Variants in DPH6 observed in about 807,000 individuals in gnomAD.
DPH6 encodes the protein diphthine--ammonia ligase.
Under a neutral mutation model 38.2 loss-of-function variants are expected in DPH6, and 33 were observed. That is an observed-to-expected ratio of 0.86 (90% CI 0.65 to 1.15). DPH6 has a LOEUF of 1.15. Ranked by LOEUF, DPH6 falls within the 50% of genes most tolerant of loss-of-function variation. The pLI is 0.00. For missense variants in DPH6, 325 were observed against 320.0 expected, an observed-to-expected ratio of 1.02 and a Z score of -0.12; for synonymous variants, 108 against 103.0, an observed-to-expected ratio of 1.05 and a Z score of -0.30.
At chr15:35,205,088 G>A in the DPH6 span, among the ~76,000 whole-genome samples, 1 of 151,832 alleles carries the variant, frequency 6.6e-6, no homozygotes, top group African/African-American at 2.4e-5. Flanking sequence ...CATAAATAAA[G>A]GACATAAAAG....
At chr15:35,496,567 AATATATAT>A (rs1165939476) in intron 3 of DPH6, among the ~76,000 whole-genome samples, 2 of 31,016 alleles carry the variant, frequency 6.4e-5, no homozygotes, top group Non-Finnish European at 1.1e-4. Flanking sequence ...AAAAAAAAAA[AATATATAT>A]ATATATATAT....
intron 5 of DPH6, among the ~76,000 whole-genome samples, chr15:35,423,013 A>C (rs1286327800): frequency 1.3e-5 from 2 of 151,910 alleles, no homozygotes; most frequent in African/African-American, 2.4e-5. Flanking sequence ...ATAATGCTAA[A>C]ATAAACATGT....
intron 3 of DPH6, among the ~76,000 whole-genome samples, chr15:35,344,532 C>T (rs1197305849): frequency 2.6e-5 from 4 of 151,806 alleles, no homozygotes; most frequent in Non-Finnish European, 5.9e-5. Context: ...ACAAAAAATG[C>T]TAGATTCCAA....
At chr15:35,240,723 G>A (rs772579920) in intron 3 of DPH6, among the ~76,000 whole-genome samples, 5 of 143,426 alleles carry the variant, frequency 3.5e-5, no homozygotes, top group African/African-American at 7.6e-5. Context: ...TTCATGGCTC[G>A]TTCGGCAGCA....
intron 3 of DPH6, among the ~76,000 whole-genome samples, chr15:35,494,286 T>C (rs1360408470): frequency 6.6e-6 from 1 of 152,178 alleles, no homozygotes; most frequent in Admixed American, 6.5e-5. Context: ...TTTCTAATGA[T>C]TCTGAATAGC....
chr15:35,522,401 A>G, intron 3 of DPH6: 1 of 884,404 alleles, frequency 1.1e-6, no homozygotes. Flanking sequence ...CAGTATTAAT[A>G]CAACAGGACT....
intron 3 of DPH6, among the ~76,000 whole-genome samples, chr15:35,478,653 T>C (rs930954728): frequency 6.6e-6 from 1 of 151,976 alleles, no homozygotes; most frequent in East Asian, 1.9e-4. Context: ...TAAAACCAAA[T>C]CTGGGGTGGT....
the DPH6 span, among the ~76,000 whole-genome samples, chr15:35,167,424 TCTAA>T: frequency 5.4e-5 from 8 of 148,598 alleles, no homozygotes; most frequent in South Asian, 2.2e-4. Flanking sequence ...GATATGTCAC[TCTAA>T]CTTTCAATTA....
At chr15:35,291,932 G>A in intron 3 of DPH6, among the ~76,000 whole-genome samples, 1 of 151,798 alleles carries the variant, frequency 6.6e-6, no homozygotes, top group East Asian at 1.9e-4. Flanking sequence ...ATTTTGTTCA[G>A]TTCTCTTTGC....
At chr15:35,286,269 G>A (rs545739531) in intron 3 of DPH6, among the ~76,000 whole-genome samples, 1 of 152,278 alleles carries the variant, frequency 6.6e-6, no homozygotes, top group Admixed American at 6.5e-5. Context: ...ACTGGATCCA[G>A]TCCAGATGTG....
chr15:35,480,336 GA>G lies in DPH6; in HGVS notation c.313-25517del, dbSNP rs1172684139. On this transcript the variant is annotated intron_variant, in intron 3 of 8. Coordinates refer to ENST00000256538, the MANE Select transcript of DPH6 (RefSeq NM_080650.4). ...CAGTTGCCTACAGACAATTCTTTAA[GA>G]AAATCCTATGTAAGGATGACCTTCA... Among the ~76,000 whole-genome samples, 6 of 152,130 alleles carry G rather than the reference GA, an allele frequency of 3.9e-5. No homozygotes were observed. In the South Asian group the frequency reaches 6.2e-4, roughly 16 times the overall value.
At chr15:35,152,591 C>T in the DPH6 span, among the ~76,000 whole-genome samples, 4 of 152,164 alleles carry the variant, frequency 2.6e-5, no homozygotes, top group African/African-American at 9.7e-5. Flanking sequence ...CCTCCACCTC[C>T]CAGGTTCAAG....
At chr15:35,440,812 T>C (rs567360428) in intron 5 of DPH6, among the ~76,000 whole-genome samples, 4 of 152,300 alleles carry the variant, frequency 2.6e-5, no homozygotes, top group South Asian at 2.1e-4. Context: ...AAATGGGATC[T>C]AATTAAACTA....
intron 3 of DPH6, among the ~76,000 whole-genome samples, chr15:35,501,020 C>T (rs751949051): frequency 3.3e-5 from 5 of 152,054 alleles, no homozygotes; most frequent in East Asian, 1.9e-4. Flanking sequence ...GGACTACAGG[C>T]GTGAGCCACC....
chr15:35,162,151 C>T, the DPH6 span, among the ~76,000 whole-genome samples: 2 of 151,946 alleles, frequency 1.3e-5, no homozygotes, highest in Non-Finnish European at 2.9e-5. Context: ...GCATAAACTA[C>T]AGTACAGTCT....
chr15:35,214,233 CAA>C (rs1221620843), downstream of DPH6, among the ~76,000 whole-genome samples: 2 of 152,078 alleles, frequency 1.3e-5, no homozygotes, highest in African/African-American at 2.4e-5. Context: ...GTGGTGTCCT[CAA>C]AAGTGACAGC....
chr15:35,452,156 C>G (rs2053943329), intron 4 of DPH6, among the ~76,000 whole-genome samples: 1 of 41,618 alleles, frequency 2.4e-5, no homozygotes, highest in African/African-American at 5.8e-5. Flanking sequence ...TCTTCTCACT[C>G]CATCCTACCA....
chr15:35,254,082 G>A (rs1042351842), intron 3 of DPH6, among the ~76,000 whole-genome samples: 3 of 152,182 alleles, frequency 2.0e-5, no homozygotes, highest in Non-Finnish European at 4.4e-5. Context: ...CTAGACAGGT[G>A]TTTAATAATC....
rs911828221 is a variant in DPH6 at position 35,350,469 on chromosome 15, ATTAACT to A, written n.208-19398_208-19393del. Among the ~76,000 whole-genome samples, 18 of 151,400 alleles carry A rather than the reference ATTAACT, an allele frequency of 1.2e-4. No individual in the cohort carries two copies. The East Asian group carries it at 3.1e-3, about 26-fold the overall frequency. On this transcript the variant is annotated intron_variant and non_coding_transcript_variant, in intron 3 of 3. Transcript: ENST00000558973. ...TAACATTTGTTAGTTTCTTCCTTCTATTAACTTTGAGTTTAGTTTGTTCTTACTTTT... is the reference window on the plus strand; with the variant it reads ...TAACATTTGTTAGTTTCTTCCTTCTATTGAGTTTAGTTTGTTCTTACTTTT...
Sources: gnomAD v4.1 joint callset for allele counts (sites outside exome capture counted in the v4.1 genomes callset) on GRCh38, gnomAD v4.1.1 for gene constraint, MANE v1.5 for transcripts, NCBI Gene and HGNC (gene_info 2026-07-23, HGNC 2026-07-21) for gene names.